Variants in CSMD1 observed in about 807,000 individuals in gnomAD.
CSMD1 encodes the protein CUB and sushi domain-containing protein 1.
Under a neutral mutation model 417.5 loss-of-function variants are expected in CSMD1, and 213 were observed. The ratio of observed to expected loss-of-function variants is 0.51; its 90% CI spans 0.46 to 0.57. The LOEUF is 0.57. Among genes scored for constraint, CSMD1 ranks in the 20% least tolerant of loss-of-function variants. CSMD1 has a pLI of 0.00. For missense variants in CSMD1, 6,923 were observed against 4,529.7 expected, an observed-to-expected ratio of 1.53 and a Z score of -15.17; for synonymous variants, 2,862 against 1,736.8, an observed-to-expected ratio of 1.65 and a Z score of -16.11.
At chr8:3,927,764 G>A (rs1223855420) in intron 5 of CSMD1, among the ~76,000 whole-genome samples, 1 of 152,080 alleles carries the variant, frequency 6.6e-6, no homozygotes, top group Non-Finnish European at 1.5e-5. Flanking sequence ...CGTATAAGCA[G>A]AACACTAAGA....
At chr8:4,498,572 G>A (rs1226109785) in intron 2 of CSMD1, among the ~76,000 whole-genome samples, 11 of 152,282 alleles carry the variant, frequency 7.2e-5, no homozygotes, top group Admixed American at 7.2e-4. Flanking sequence ...GAAACTTGCA[G>A]AAAGATGATT....
intron 2 of CSMD1, among the ~76,000 whole-genome samples, chr8:4,547,386 T>C (rs1196730740): frequency 6.6e-6 from 1 of 152,240 alleles, no homozygotes; most frequent in African/African-American, 2.4e-5. Context: ...ATTACTTTCT[T>C]CTTTTATATT....
chr8:3,479,026 T>C (rs1008912962), intron 11 of CSMD1, among the ~76,000 whole-genome samples: 5 of 149,864 alleles, frequency 3.3e-5, no homozygotes, highest in Admixed American at 6.6e-5. Flanking sequence ...CCCAACCCCA[T>C]GCACTCCAAG....
At chr8:4,269,428 G>C (rs1804431616) in intron 3 of CSMD1, among the ~76,000 whole-genome samples, 1 of 152,098 alleles carries the variant, frequency 6.6e-6, no homozygotes, top group Non-Finnish European at 1.5e-5. Flanking sequence ...TTGATATTGA[G>C]AATTTTCTCT....
chr8:3,388,406 T>A (rs1403845972), intron 17 of CSMD1, among the ~76,000 whole-genome samples: 2 of 152,156 alleles, frequency 1.3e-5, no homozygotes, highest in Non-Finnish European at 2.9e-5. Flanking sequence ...AAAATGAGAA[T>A]AAGGGAAAAG....
chr8:3,442,498 C>T (rs1280082112), intron 12 of CSMD1, among the ~76,000 whole-genome samples: 1 of 152,144 alleles, frequency 6.6e-6, no homozygotes, highest in Non-Finnish European at 1.5e-5. Flanking sequence ...ATGTTCGATA[C>T]ACAAATGTTA....
chr8:3,422,030 G>C (rs1180085749), intron 12 of CSMD1, among the ~76,000 whole-genome samples: 2 of 152,148 alleles, frequency 1.3e-5, no homozygotes, highest in Non-Finnish European at 2.9e-5. Context: ...ATGTCTTAGA[G>C]CGTGAGCCAC....
intron 1 of CSMD1, among the ~76,000 whole-genome samples, chr8:4,831,503 C>T (rs1037909705): frequency 6.6e-6 from 1 of 152,106 alleles, no homozygotes; most frequent in African/African-American, 2.4e-5. Context: ...AGATGCTGCT[C>T]ATTGCATGGT....
chr8:3,799,853 T>C (rs377525829), intron 5 of CSMD1, among the ~76,000 whole-genome samples: 1 of 152,134 alleles, frequency 6.6e-6, no homozygotes, highest in Admixed American at 6.6e-5. Flanking sequence ...TTTTGGAAGA[T>C]CACAGTCCTG....
intron 1 of CSMD1, among the ~76,000 whole-genome samples, chr8:4,783,856 C>T (rs1489727221): frequency 1.3e-5 from 2 of 152,174 alleles, no homozygotes; most frequent in Non-Finnish European, 2.9e-5. Flanking sequence ...TATCACTCCT[C>T]TAAAGCAAAT....
chr8:3,375,557 T>A (rs1041665202), intron 18 of CSMD1, among the ~76,000 whole-genome samples: 22 of 152,112 alleles, frequency 1.4e-4, no homozygotes, highest in Non-Finnish European at 2.5e-4. Context: ...ATACATTATA[T>A]ATATTTTTAT....
chr8:4,061,453 A>AC (rs1389983262), intron 3 of CSMD1, among the ~76,000 whole-genome samples: 1 of 152,242 alleles, frequency 6.6e-6, no homozygotes, highest in Non-Finnish European at 1.5e-5. Flanking sequence ...CTCCCTGAAA[A>AC]TGGATAAGAA....
At chr8:3,199,879 T>C (rs1796901381) in intron 32 of CSMD1, 70 bp from the exon 33 acceptor site, 3 of 897,934 alleles carry the variant, frequency 3.3e-6, no homozygotes, top group African/African-American at 3.4e-5. Context: ...TTTTGGAAAA[T>C]GGTGATAAAG....
chr8:3,864,067 T>A lies in CSMD1; in HGVS notation c.819-110025A>T, dbSNP rs559453317. Among the ~76,000 whole-genome samples the A allele has an allele frequency of 7.2e-5, 11 of 152,286 alleles. No individual in the cohort carries two copies. The East Asian group carries it at 1.9e-3, about 27-fold the overall frequency. ...AAGATGAATGTGAAGATGGCCCAGA[T>A]AATATTTAAGTAAACATACAATATT... On this transcript the variant is annotated intron_variant, in intron 5 of 69. Transcript: ENST00000635120.
At chr8:4,368,440 T>G (rs759633433) in intron 3 of CSMD1, among the ~76,000 whole-genome samples, 1 of 152,180 alleles carries the variant, frequency 6.6e-6, no homozygotes, top group African/African-American at 2.4e-5. Context: ...CATTTTTCTG[T>G]TGTGTCTCTA....
chr8:4,061,874 G>C (rs1798989518), intron 3 of CSMD1, among the ~76,000 whole-genome samples: 1 of 152,136 alleles, frequency 6.6e-6, no homozygotes, highest in East Asian at 1.9e-4. Flanking sequence ...TCCATGACTT[G>C]ACAACTTCTG....
intron 3 of CSMD1, among the ~76,000 whole-genome samples, chr8:4,338,817 G>A (rs995808359): frequency 5.9e-5 from 9 of 152,124 alleles, no homozygotes; most frequent in South Asian, 2.1e-4. Flanking sequence ...TTACTCTTGT[G>A]TTGCCTTAAT....
intron 5 of CSMD1, among the ~76,000 whole-genome samples, chr8:3,840,721 T>C (rs1295178227): frequency 6.7e-6 from 1 of 148,872 alleles, no homozygotes; most frequent in Non-Finnish European, 1.5e-5. Context: ...ACACGGAATC[T>C]ATCTGGCTCT....
At position 3,000,100 on chromosome 8, in the gene CSMD1, C is replaced by G; in HGVS notation, c.8061G>C (p.Val2687=). The stretch of plus-strand genomic sequence containing the variant: ...AGCCATCTCCACTAATGTGACCGTT[C>G]ACAATCGGGTCTGGGGAACCGCAGT... ...AGHCGSPDPI[V]NGHISGDGFS... The change falls in exon 53 of 70, where the codon GTG becomes GTC. Residue 2687 remains valine (V), a synonymous_variant. Coordinates refer to ENST00000635120, the MANE Select transcript of CSMD1 (RefSeq NM_033225.6). 6.4e-7 allele frequency: 1 copy of G among 1,572,158 alleles called. No homozygotes were observed. Among genetic ancestry groups the G allele is most frequent in the Non-Finnish European group, 8.6e-7 (1 of 1,158,192 alleles).
Sources: allele counts gnomAD v4.1 joint callset (sites outside exome capture counted in the v4.1 genomes callset), GRCh38; gene constraint gnomAD v4.1.1; transcripts MANE v1.5; gene names NCBI Gene and HGNC (gene_info 2026-07-23, HGNC 2026-07-21).